The following ZNF296 variants were observed in gnomAD, a reference collection of about 807,000 sequenced individuals.
The protein encoded by ZNF296 is zinc finger protein 296.
ZNF296 carries 1 observed loss-of-function variant against 13.2 expected under a neutral mutation model. The observed-to-expected ratio is 0.08, with a 90% CI of 0.03 to 0.36. The LOEUF (loss-of-function observed/expected upper bound fraction) is 0.36, where lower values mean the gene tolerates loss of function less well. Among genes scored for constraint, ZNF296 ranks in the 10% least tolerant of loss-of-function variants. ZNF296 has a pLI of 0.99. For missense variants in ZNF296, 555 were observed against 688.2 expected, an observed-to-expected ratio of 0.81 and a Z score of 2.16; for synonymous variants, 303 against 289.0, an observed-to-expected ratio of 1.05 and a Z score of -0.49.
chr19:45,076,130 G>T lies in ZNF296; in HGVS notation c.244C>A (p.Leu82Ile). Residue 82 changes from leucine to isoleucine, a missense_variant, in exon 1 of 3, where the codon CTC (leucine) becomes ATC (isoleucine). Transcript: ENST00000303809. This position sits in a 1 kb window ranked among gnomAD's most constrained non-coding sequence, Gnocchi z 4.9. ...AGGGTCCACGGGTTCCGCGGGCCGA[G>T]GGCGAGGAGGGCGGCCCCGGCGGGC... Reference protein sequence around the residue: ...PMPAGAALLALGPRNPWTLWT... With the variant: ...PMPAGAALLAIGPRNPWTLWT... 6.4e-7 allele frequency: 1 copy of T among 1,557,564 alleles called. No individual in the cohort carries two copies. Among genetic ancestry groups the T allele is most frequent in the Admixed American group, 2.2e-5 (1 of 46,488 alleles).
chr19:45,072,842 A>G (rs1183774918), intron 2 of ZNF296, among the ~76,000 whole-genome samples: 2 of 152,002 alleles, frequency 1.3e-5, no homozygotes, highest in Non-Finnish European at 2.9e-5. Context: ...GCTCACTGCA[A>G]CCTCCACCTC....
intron 2 of ZNF296, among the ~76,000 whole-genome samples, chr19:45,074,035 T>A (rs1676156340): frequency 6.8e-6 from 1 of 147,422 alleles, no homozygotes; most frequent in Admixed American, 6.8e-5. Context: ...AAAAAAAAAT[T>A]TTTTTTGGTT....
Position 45,076,224 on chromosome 19 carries a change from G to A in ZNF296, c.150C>T (p.Pro50=). 6.6e-7 allele frequency: 1 copy of A among 1,507,886 alleles called. No homozygotes were observed. The highest frequency in any genetic ancestry group is 1.8e-4 in the Middle Eastern group (1 of 5,608). The allele number at this position is 1,507,886 out of a possible 1,614,324, so 93.4% of individuals were successfully genotyped here. The change falls in exon 1 of 3, where the codon CCC becomes CCT. Residue 50 remains proline, a synonymous_variant. Transcript: ENST00000303809. The surrounding 1 kb of genome is among the most constrained non-coding windows in gnomAD (Gnocchi z 4.9). ...AQPQQAPRLG[P]FSPKEVSSAG... is the part of the protein sequence containing the mutation. ...CCGAGGACACCTCCTTCGGGGAGAAGGGCCCCAGCCTTGGGGCCTGTTGGG... is the reference window on the plus strand; with the variant it reads ...CCGAGGACACCTCCTTCGGGGAGAAAGGCCCCAGCCTTGGGGCCTGTTGGG...
Position 45,072,054 on chromosome 19 carries a change from A to G in ZNF296, c.975T>C (p.Ala325=). ...GGACACCTGCTGTGGCGGCGGCTCC[A>G]GCCCCCTCACCACCGCTGCATGGAA... ...STLPCSGGEG[A]GAAATAGVQE... is the part of the protein sequence containing the mutation. Residue 325 remains alanine, a synonymous_variant, in exon 3 of 3, where the codon GCT becomes GCC. Transcript: ENST00000303809. The G allele has an allele frequency of 1.2e-6, 2 of 1,612,438 alleles. No homozygotes were observed. Among genetic ancestry groups the G allele is most frequent in the Non-Finnish European group, 1.7e-6 (2 of 1,179,922 alleles).
chr19:45,072,459 C>T lies in ZNF296; in HGVS notation c.570G>A (p.Glu190=). Residue 190 remains glutamate (E), a synonymous_variant, in exon 3 of 3, where the codon GAG becomes GAA. Transcript: ENST00000303809. The stretch of plus-strand genomic sequence containing the variant: ...GGCCCAGGAGCGGGGCCTCCGGGGC[C>T]TCTGATTCTGTCTGGTAGATGGACA... The part of the protein sequence containing the change: ...HGLSIYQTES[E]APEAPLLGLA... The T allele has an allele frequency of 1.2e-6, 2 of 1,613,224 alleles. No individual in the cohort carries two copies. Among genetic ancestry groups the T allele is most frequent in the Admixed American group, 1.7e-5 (1 of 60,026 alleles).
Position 45,071,589 on chromosome 19 carries a change from G to T in ZNF296, c.*12C>A, listed in dbSNP as rs1264801638. The T allele has an allele frequency of 6.6e-7, 1 of 1,506,064 alleles. No homozygotes were observed. Among genetic ancestry groups the T allele is most frequent in the Non-Finnish European group, 8.8e-7 (1 of 1,136,214 alleles). 93.3% of individuals were successfully genotyped at this position (1,506,064 alleles called of 1,614,324 possible). ...AGCGGTACCAGGGACAGTGAGGGGG[G>T]CTTTCCTGGGCTCAGGCCTCGCCGG... On this transcript the variant is annotated 3_prime_UTR_variant, in exon 3 of 3. Transcript: ENST00000303809.
At position 45,072,367 on chromosome 19, in the gene ZNF296, G is replaced by A. The variant is rs746092024; in HGVS notation, c.662C>T (p.Ala221Val). The change falls in exon 3 of 3, where the codon GCA becomes GTA. Residue 221 changes from alanine (A) to valine (V), a missense_variant. Coordinates refer to ENST00000303809, the MANE Select transcript of ZNF296 (RefSeq NM_145288.3). The stretch of plus-strand genomic sequence containing the variant: ...CCGCCGGGTGAGGCCGCTGCCACTT[G>A]CACGGGGGCTCTTGGCCTCAGCTGC... ...GPAAEAKSPRASGSGLTRRSP... is the reference protein window; with the variant it reads ...GPAAEAKSPRVSGSGLTRRSP... The A allele has an allele frequency of 7.4e-6, 12 of 1,612,636 alleles. No individual in the cohort carries two copies. The Admixed American group carries it at 1.8e-4, about 25-fold the overall frequency.
Position 45,075,727 on chromosome 19 carries a change from C to A in ZNF296, c.434G>T (p.Arg145Leu), listed in dbSNP as rs1967333691. 6.2e-7 allele frequency: 1 copy of A among 1,614,022 alleles called. No individual in the cohort carries two copies. The highest frequency in any genetic ancestry group is 8.5e-7 in the Non-Finnish European group (1 of 1,179,980). Reference protein sequence around the residue: ...LGCQLFRGPSRGQGSEREELK... With the variant: ...LGCQLFRGPSLGQGSEREELK... ...GCTTTACTCACCTGAGCCCTGGCCG[C>A]GGCTGGGGCCTCTGAAGAGCTGACA... is the stretch of plus-strand genomic sequence containing the variant. The change falls in exon 2 of 3, where the codon CGC becomes CTC. Residue 145 changes from arginine (R) to leucine (L), a missense_variant. Around this residue, in one of 3 missense-constraint regions of ZNF296, gnomAD observed 410 missense variants for 548.0 expected, o/e 0.75. Coordinates refer to ENST00000303809, the MANE Select transcript of ZNF296 (RefSeq NM_145288.3).
chr19:45,075,648 GC>G, intron 2 of ZNF296, 64 bp downstream of exon 2: 1 of 1,579,580 alleles, frequency 6.3e-7, no homozygotes, highest in Non-Finnish European at 8.6e-7. Flanking sequence ...GTCCAGCCCA[GC>G]CCCTTTCCAG....
Position 45,071,923 on chromosome 19 carries a change from G to A in ZNF296, c.1106C>T (p.Ala369Val), listed in dbSNP as rs1351700934. ...TGACTTGGGCATCTTTTTGGGTGAT[G>A]CCTTCTGGCTGTTTGCAGGGTCAGT... ...QRTDPANSQK[A>V]SPKKMPKSGG... The change falls in exon 3 of 3, where the codon GCA (alanine) becomes GTA (valine). Residue 369 changes from alanine to valine, a missense_variant. This residue lies in a region of ZNF296 where 410 missense variants were observed against 548.0 expected (regional missense o/e 0.75). Transcript: ENST00000303809. 1 of 1,613,554 alleles carries A rather than the reference G, an allele frequency of 6.2e-7. No individual in the cohort carries two copies. The highest frequency in any genetic ancestry group is 1.7e-5 in the Admixed American group (1 of 60,014).
chr19:45,075,956 C>T, intron 1 of ZNF296, 94 bp from the exon 2 acceptor site: 2 of 1,588,856 alleles, frequency 1.3e-6, no homozygotes, highest in Non-Finnish European at 1.7e-6. Flanking sequence ...CAGAAGGGGG[C>T]CTGAGGGGCA....
chr19:45,074,536 T>C (rs1442637448), intron 2 of ZNF296, among the ~76,000 whole-genome samples: 1 of 152,166 alleles, frequency 6.6e-6, no homozygotes, highest in African/African-American at 2.4e-5. Flanking sequence ...AACTAGCCTT[T>C]CCATTTTTCA....
Position 45,072,326 on chromosome 19 carries a change from C to A in ZNF296, c.703G>T (p.Val235Leu). 6.2e-7 allele frequency: 1 copy of A among 1,613,074 alleles called. No individual in the cohort carries two copies. The change falls in exon 3 of 3, where the codon GTG becomes TTG. Residue 235 changes from valine to leucine, a missense_variant. Val to Leu is a conservative substitution (Grantham distance 32). This residue lies in a region of ZNF296 where 410 missense variants were observed against 548.0 expected (regional missense o/e 0.75). Transcript: ENST00000303809. Reference protein sequence around the residue: ...GLTRRSPTCPVCKKTLSSFSN... With the variant: ...GLTRRSPTCPLCKKTLSSFSN... ...AAGGAGCTGAGGGTCTTCTTGCACA[C>A]AGGACAGGTGGGGCTCCGCCGGGTG...
chr19:45,076,456 C>G lies in ZNF296; in HGVS notation c.-83G>C. ...ACGCACGAGCGGAGGACGCGCGGAC[C>G]GTGCGCGCTCAGGTGAGTGACTGCG... is the stretch of plus-strand genomic sequence containing the variant. On this transcript the variant is annotated 5_prime_UTR_variant, in exon 1 of 3. Transcript: ENST00000303809. The surrounding 1 kb of genome is among the most constrained non-coding windows in gnomAD (Gnocchi z 4.9). 1.9e-6 allele frequency: 2 copies of G among 1,060,510 alleles called. No individual in the cohort carries two copies. Among genetic ancestry groups the G allele is most frequent in the East Asian group, 3.5e-5 (1 of 28,220 alleles). 65.7% of individuals were successfully genotyped at this position (1,060,510 alleles called of 1,614,324 possible).
At chr19:45,073,372 TA>T (rs1283655618) in intron 2 of ZNF296, among the ~76,000 whole-genome samples, 1 of 147,612 alleles carries the variant, frequency 6.8e-6, no homozygotes, top group Non-Finnish European at 1.5e-5. Context: ...TTGCCCAGGC[TA>T]TTTTTTTTTT....
rs761150755 is a variant in ZNF296, at chr19:45,071,877, G to C, written c.1152C>G (p.Pro384=). 10 of 1,613,078 alleles carry C rather than the reference G, an allele frequency of 6.2e-6. No individual in the cohort carries two copies. Among genetic ancestry groups the C allele is most frequent in the South Asian group, 1.1e-5 (1 of 91,096 alleles). The change falls in exon 3 of 3, where the codon CCC becomes CCG. Residue 384 remains proline, a synonymous_variant. Transcript: ENST00000303809. ...MPKSGGKSRG[P]GGSCEFCGKH... ...TCCCGCAGAACTCACAGCTGCCCCC[G>C]GGCCCGCGGCTCTTGCCCCCTGACT...
In ZNF296 at chr19:45,071,605, G is replaced by C; in HGVS notation, c.1424C>G (p.Ala475Gly). ...RQKHPEAAGEA is the reference protein window; with the variant it reads ...RQKHPEAAGEG ...GTGAGGGGGGCTTTCCTGGGCTCAG[G>C]CCTCGCCGGCCGCCTCAGGGTGCTT... Residue 475 changes from alanine to glycine, a missense_variant, in exon 3 of 3, where the codon GCC becomes GGC. Around this residue, in one of 3 missense-constraint regions of ZNF296, gnomAD observed 410 missense variants for 548.0 expected, o/e 0.75. Transcript: ENST00000303809. 6.6e-7 allele frequency: 1 copy of C among 1,514,456 alleles called. No homozygotes were observed. The highest frequency in any genetic ancestry group is 8.8e-7 in the Non-Finnish European group (1 of 1,139,084). The allele number at this position is 1,514,456 out of a possible 1,614,324, so 93.8% of individuals were successfully genotyped here.
chr19:45,072,175 G>A lies in ZNF296; in HGVS notation c.854C>T (p.Pro285Leu), dbSNP rs113643466. The A allele has an allele frequency of 6.2e-5, 100 of 1,605,406 alleles. No homozygotes were observed. The highest frequency in any genetic ancestry group is 5.0e-4 in the African/African-American group (37 of 74,678). Residue 285 changes from proline to leucine, a missense_variant, in exon 3 of 3, where the codon CCG becomes CTG. Coordinates refer to ENST00000303809, the MANE Select transcript of ZNF296 (RefSeq NM_145288.3). ...NRHKKTHRQV[P>L]PQSPLMADTS... ...GTCGGCCATGAGGGGGCTCTGGGGC[G>A]GCACCTGCCGGTGGGTCTTCTTGTG...
chr19:45,075,445 G>A (rs1967326597), intron 2 of ZNF296, among the ~76,000 whole-genome samples: 1 of 152,300 alleles, frequency 6.6e-6, no homozygotes, highest in South Asian at 2.1e-4. Context: ...GTGTGTTGGG[G>A]GGGGCAAAAT....
Sources: allele counts gnomAD v4.1 joint callset (sites outside exome capture counted in the v4.1 genomes callset), GRCh38; gene constraint gnomAD v4.1.1; regional missense constraint gnomAD v4.1.1; non-coding constraint Gnocchi (gnomAD v3.1); transcripts MANE v1.5; gene names NCBI Gene and HGNC (gene_info 2026-07-23, HGNC 2026-07-21).